MAP3K20: variants seen among roughly 807,000 people sequenced by gnomAD.
MAP3K20 encodes the protein mitogen-activated protein kinase kinase kinase 20.
MAP3K20 carries 40 observed loss-of-function variants against 85.7 expected under a neutral mutation model. The observed-to-expected ratio is 0.47, with a 90% CI of 0.36 to 0.61. The LOEUF is 0.61. Ranked by LOEUF, MAP3K20 falls within the 20% of genes least tolerant of loss-of-function variation. MAP3K20 has a pLI of 0.00. For synonymous variants in MAP3K20, 325 were observed against 327.7 expected (o/e 0.99, Z 0.09); for missense variants, 817 against 961.7 (o/e 0.85, Z 1.99).
intron 11 of MAP3K20, among the ~76,000 whole-genome samples, chr2:173,219,833 C>G (rs1264230835): frequency 6.6e-6 from 1 of 152,072 alleles, no homozygotes; most frequent in Admixed American, 6.6e-5. Context: ...CTTTGGGAGG[C>G]TGAGGGGGGT....
At chr2:173,110,229 ATATATATATATATTTTTTTTTTTTTT>A (rs1687921071) in intron 2 of MAP3K20, among the ~76,000 whole-genome samples, 4 of 10,312 alleles carry the variant, frequency 3.9e-4, no homozygotes, top group Non-Finnish European at 7.2e-4. Context: ...ATATATATAT[ATATATATATATATTTTTTTTTTTTTT>A]TTTTTTTTTT....
At chr2:173,162,122 G>T (rs1053712749) in intron 2 of MAP3K20, among the ~76,000 whole-genome samples, 1 of 149,670 alleles carries the variant, frequency 6.7e-6, no homozygotes, top group African/African-American at 2.4e-5. Flanking sequence ...AGAAATAGAT[G>T]ACCACAATAA....
rs777082882 is a variant in MAP3K20 at position 173,266,855 on chromosome 2, C to T, written c.*105C>T. 1 of 1,128,370 alleles carries T rather than the reference C, an allele frequency of 8.9e-7. No individual in the cohort carries two copies. The highest frequency in any genetic ancestry group is 1.2e-6 in the Non-Finnish European group (1 of 848,524). 69.9% of individuals were successfully genotyped at this position (1,128,370 alleles called of 1,614,324 possible). A position where few individuals can be genotyped will look rare whatever the true frequency, so the allele number is the denominator to read the frequency against. On this transcript the variant is annotated 3_prime_UTR_variant, in exon 20 of 20. Coordinates refer to ENST00000375213, the MANE Select transcript of MAP3K20 (RefSeq NM_016653.3). The stretch of plus-strand genomic sequence containing the variant: ...CCTTCAGATTGAATTAACGAAAAGA[C>T]AACACTTCCAGTTTTTGGATTGGGA...
chr2:173,236,265 C>CT lies in MAP3K20; in HGVS notation c.1204-2107dup, dbSNP rs1449491617. Reference sequence around the variant, plus strand: ...CCTGGGCAATAGAGTGAGACCCTGTCTAAAAAAAAAAAAAAAAAAAAAAAA... The same window carrying CT: ...CCTGGGCAATAGAGTGAGACCCTGTCTTAAAAAAAAAAAAAAAAAAAAAAAA... On this transcript the variant is annotated intron_variant, in intron 14 of 19. Transcript: ENST00000375213. 3.9e-3 allele frequency among the ~76,000 whole-genome samples: 149 copies of CT among 38,116 alleles called. 1 individual carries two copies. Among genetic ancestry groups the CT allele is most frequent in the African/African-American group, 0.012 (132 of 11,474 alleles). The allele number at this position is 38,116 out of a possible 152,430, so 25.0% of individuals were successfully genotyped here. A position where few individuals can be genotyped will look rare whatever the true frequency, so the allele number is the denominator to read the frequency against.
chr2:173,238,013 G>A (rs1057283046), intron 14 of MAP3K20, among the ~76,000 whole-genome samples: 1 of 152,136 alleles, frequency 6.6e-6, no homozygotes, highest in African/African-American at 2.4e-5. Context: ...TTAGCTGGGT[G>A]TGGTGGTGTG....
intron 2 of MAP3K20, among the ~76,000 whole-genome samples, chr2:173,093,603 T>A (rs1290456627): frequency 6.6e-6 from 1 of 152,186 alleles, no homozygotes; most frequent in African/African-American, 2.4e-5. Context: ...TTACTTAAAA[T>A]CTCTGTAGTT....
intron 11 of MAP3K20, among the ~76,000 whole-genome samples, chr2:173,229,141 G>A (rs1283893701): frequency 1.3e-5 from 2 of 152,190 alleles, no homozygotes; most frequent in Non-Finnish European, 2.9e-5. Flanking sequence ...GTTTTAGTTA[G>A]AGCAACTCTG....
intron 2 of MAP3K20, among the ~76,000 whole-genome samples, chr2:173,146,232 G>GTTT (rs1250178310): frequency 7.0e-6 from 1 of 143,678 alleles, no homozygotes; most frequent in Non-Finnish European, 1.5e-5. Flanking sequence ...GGTTTTTGTT[G>GTTT]TTTTTTTTTT....
At chr2:173,231,851 C>A (rs1225984505) in intron 12 of MAP3K20, among the ~76,000 whole-genome samples, 1 of 152,196 alleles carries the variant, frequency 6.6e-6, no homozygotes, top group Non-Finnish European at 1.5e-5. Flanking sequence ...TCATACAATT[C>A]CTGAGTAAAC....
At chr2:173,173,426 G>C (rs1230059915) in intron 3 of MAP3K20, among the ~76,000 whole-genome samples, 1 of 152,122 alleles carries the variant, frequency 6.6e-6, no homozygotes, top group African/African-American at 2.4e-5. Flanking sequence ...TTTGTTCTCA[G>C]GGGCTGATCT....
At chr2:173,082,793 C>T (rs779015707) in intron 1 of MAP3K20, among the ~76,000 whole-genome samples, 5 of 152,374 alleles carry the variant, frequency 3.3e-5, no homozygotes, top group South Asian at 4.1e-4. Context: ...GCCCACGCAG[C>T]GGCCTATGCC....
chr2:173,094,521 G>A (rs572846862), intron 2 of MAP3K20, among the ~76,000 whole-genome samples: 61 of 152,188 alleles, frequency 4.0e-4, no homozygotes, highest in Non-Finnish European at 7.1e-4. Flanking sequence ...ATCCAGGATC[G>A]TATATTGCAT....
At chr2:173,224,441 T>G in intron 11 of MAP3K20, 1 of 985,374 alleles carries the variant, frequency 1.0e-6, no homozygotes, top group Non-Finnish European at 1.2e-6. Flanking sequence ...AGCAGCCAAA[T>G]AGGGCCAAAG....
At chr2:173,236,214 A>G (rs1684643488) in intron 14 of MAP3K20, among the ~76,000 whole-genome samples, 1 of 148,840 alleles carries the variant, frequency 6.7e-6, no homozygotes, top group Non-Finnish European at 1.5e-5. Context: ...GCTGCCATGA[A>G]CTATGATTGC....
intron 10 of MAP3K20, chr2:173,215,602 G>A (rs916048714): frequency 1.3e-5 from 2 of 152,098 alleles, no homozygotes; most frequent in Admixed American, 1.3e-4. Flanking sequence ...GATATTTGTG[G>A]GCAGTGCAGC....
chr2:173,190,952 T>C (rs767053813), intron 6 of MAP3K20, 29 bp downstream of exon 6: 14 of 1,607,618 alleles, frequency 8.7e-6, no homozygotes, highest in Admixed American at 8.5e-5. Context: ...CTTAAAAAAA[T>C]TGTTAATTTC....
intron 2 of MAP3K20, among the ~76,000 whole-genome samples, chr2:173,103,951 G>C (rs938786555): frequency 6.6e-6 from 1 of 152,014 alleles, no homozygotes; most frequent in African/African-American, 2.4e-5. Context: ...TTACATGCTA[G>C]GTACTATTCT....
intron 2 of MAP3K20, among the ~76,000 whole-genome samples, chr2:173,096,344 CTTT>C (rs11389136): frequency 1.4e-5 from 2 of 144,606 alleles, no homozygotes. Context: ...TTCTTTTTTC[CTTT>C]TTTTTTTTTT....
At chr2:173,141,110 T>A (rs1688958918) in intron 2 of MAP3K20, among the ~76,000 whole-genome samples, 1 of 152,190 alleles carries the variant, frequency 6.6e-6, no homozygotes, top group Admixed American at 6.5e-5. Flanking sequence ...ACTGAGGCAC[T>A]TTTTTATGTG....
Sources: allele counts gnomAD v4.1 joint callset (sites outside exome capture counted in the v4.1 genomes callset), GRCh38; gene constraint gnomAD v4.1.1; transcripts MANE v1.5; gene names NCBI Gene and HGNC (gene_info 2026-07-23, HGNC 2026-07-21).